Variants in GIMAP1 observed in about 807,000 individuals in gnomAD.
The protein encoded by GIMAP1 is GTPase IMAP family member 1.
For synonymous variants in GIMAP1, 230 were observed against 187.7 expected (o/e 1.23, Z -1.84); for missense variants, 423 against 411.9 (o/e 1.03, Z -0.23).
At position 150,720,475 on chromosome 7, in the gene GIMAP1, G is replaced by C. The variant is rs1450456336; in HGVS notation, c.471G>C (p.Leu157=). Residue 157 remains leucine (L), a synonymous_variant, in exon 3 of 3, where the codon CTG becomes CTC. Transcript: ENST00000307194. The surrounding 1 kb of genome is among the most constrained non-coding windows in gnomAD (Gnocchi z 4.5). ...TCGTCTTCACCAGGAAGGAGGACCT[G>C]GCCGGGGGCTCCCTGCACGATTACG... ...MVIVFTRKED[L]AGGSLHDYVS... The C allele has an allele frequency of 6.4e-7, 1 of 1,573,094 alleles. No individual in the cohort carries two copies. The highest frequency in any genetic ancestry group is 8.6e-7 in the Non-Finnish European group (1 of 1,158,800).
At chr7:150,718,753 C>A (rs956902560) in intron 1 of GIMAP1, among the ~76,000 whole-genome samples, 2 of 152,218 alleles carry the variant, frequency 1.3e-5, no homozygotes, top group African/African-American at 4.8e-5. Context: ...GTTGGCCCTT[C>A]CAAGGCCATT....
In GIMAP1 at chr7:150,719,603, A is replaced by C. The variant is rs189512093; in HGVS notation, c.44-445A>C. On this transcript the variant is annotated intron_variant, in intron 2 of 2. Transcript: ENST00000307194. ...TTTGCCGAAGAGGCTTAATACTTAG[A>C]TTATGCAGCTTCCCCAAGGTTACAC... 13 of 168,098 alleles carry C rather than the reference A, an allele frequency of 7.7e-5. No homozygotes were observed. The East Asian group carries it at 1.4e-3, about 18-fold the overall frequency. The allele number at this position is 168,098 out of a possible 1,614,324, so 10.4% of individuals were successfully genotyped here.
chr7:150,719,583 C>A, intron 2 of GIMAP1: 1 of 164,318 alleles, frequency 6.1e-6, no homozygotes, highest in Non-Finnish European at 1.3e-5. Flanking sequence ...CCACTTTTGC[C>A]GAAGAGGCTT....
chr7:150,720,791 C>A lies in GIMAP1; in HGVS notation c.787C>A (p.Arg263=), dbSNP rs375206213. 1 of 1,584,444 alleles carries A rather than the reference C, an allele frequency of 6.3e-7. No homozygotes were observed. The highest frequency in any genetic ancestry group is 2.3e-5 in the East Asian group (1 of 43,266). The change falls in exon 3 of 3, where the codon CGG becomes AGG. Residue 263 remains arginine (R), a synonymous_variant. Coordinates refer to ENST00000307194, the MANE Select transcript of GIMAP1 (RefSeq NM_130759.4). This position sits in a 1 kb window ranked among gnomAD's most constrained non-coding sequence, Gnocchi z 4.5. ...RRPWGAWLSA[R]LWKWLKSPRS... is the part of the protein sequence containing the mutation. ...GCCATGGGGCGCCTGGCTGTCGGCC[C>A]GGCTGTGGAAGTGGCTGAAGTCCCC...
At position 150,720,429 on chromosome 7, in the gene GIMAP1, A is replaced by G. The variant is rs1325630615; in HGVS notation, c.425A>G (p.Asp142Gly). 1 of 1,575,266 alleles carries G rather than the reference A, an allele frequency of 6.3e-7. No individual in the cohort carries two copies. The highest frequency in any genetic ancestry group is 8.6e-7 in the Non-Finnish European group (1 of 1,159,108). ...VRQVRDMFGE[D>G]VLKWMVIVFT... Reference sequence around the variant, plus strand: ...CAGGTGAGGGACATGTTCGGGGAGGACGTCCTAAAATGGATGGTCATCGTC... The same window carrying G: ...CAGGTGAGGGACATGTTCGGGGAGGGCGTCCTAAAATGGATGGTCATCGTC... The change falls in exon 3 of 3, where the codon GAC becomes GGC. Residue 142 changes from aspartate to glycine, a missense_variant. Coordinates refer to ENST00000307194, the MANE Select transcript of GIMAP1 (RefSeq NM_130759.4). This position sits in a 1 kb window ranked among gnomAD's most constrained non-coding sequence, Gnocchi z 4.5.
intron 2 of GIMAP1, 61 bp downstream of exon 2, chr7:150,719,151 G>A: frequency 6.2e-7 from 1 of 1,607,578 alleles, no homozygotes; most frequent in Non-Finnish European, 8.5e-7. Flanking sequence ...GGGTAATAAG[G>A]AGAATGGGGC....
Position 150,720,157 on chromosome 7 carries a change from A to G in GIMAP1, c.153A>G (p.Arg51=), listed in dbSNP as rs770389381. 11 of 1,614,040 alleles carry G rather than the reference A, an allele frequency of 6.8e-6. No homozygotes were observed. Among genetic ancestry groups the G allele is most frequent in the South Asian group, 1.1e-5 (1 of 91,070 alleles). ...SATGNSILGQ[R]RFFSRLGATS... ...CTGGGAACAGCATCCTGGGCCAGAG[A>G]CGGTTCTTCTCCAGGCTGGGGGCCA... The change falls in exon 3 of 3, where the codon AGA becomes AGG. Residue 51 remains arginine, a synonymous_variant. Transcript: ENST00000307194. The surrounding 1 kb of genome is among the most constrained non-coding windows in gnomAD (Gnocchi z 4.5).
At position 150,721,494 on chromosome 7, in the gene GIMAP1, A is replaced by G. The variant is rs775993211; in HGVS notation, c.*569A>G. 1 of 152,252 alleles carries G rather than the reference A, an allele frequency of 6.6e-6. No homozygotes were observed. Among genetic ancestry groups the G allele is most frequent in the Non-Finnish European group, 1.5e-5 (1 of 68,058 alleles). The allele number at this position is 152,252 out of a possible 1,614,324, so 9.4% of individuals were successfully genotyped here. A position where few individuals can be genotyped will look rare whatever the true frequency, so the allele number is the denominator to read the frequency against. ...ATAACAGTTTCCACTTTTCTAGAACATATTATGGTTCATGGCATTCCAAAA... is the reference window on the plus strand; with the variant it reads ...ATAACAGTTTCCACTTTTCTAGAACGTATTATGGTTCATGGCATTCCAAAA... On this transcript the variant is annotated 3_prime_UTR_variant, in exon 3 of 3. Transcript: ENST00000307194.
chr7:150,719,333 G>A (rs563759477), intron 2 of GIMAP1: 19 of 532,742 alleles, frequency 3.6e-5, no homozygotes, highest in African/African-American at 7.5e-5. Flanking sequence ...AACCTACTCC[G>A]ATCACCGCAG....
At chr7:150,718,655 C>T (rs1299280300) in intron 1 of GIMAP1, among the ~76,000 whole-genome samples, 1 of 152,210 alleles carries the variant, frequency 6.6e-6, no homozygotes, top group Non-Finnish European at 1.5e-5. Context: ...ATAACCGACC[C>T]TCTGCTTTTT....
At chr7:150,719,366 T>C (rs528273561) in intron 2 of GIMAP1, 7 of 444,070 alleles carry the variant, frequency 1.6e-5, no homozygotes, top group South Asian at 4.5e-5. Flanking sequence ...GGGGATTAAA[T>C]CATGCACTAC....
At position 150,721,955 on chromosome 7, in the gene GIMAP1, G is replaced by C. The variant is rs1018836797; in HGVS notation, c.*1030G>C. The C allele has an allele frequency of 1.3e-5, 2 of 152,024 alleles. No homozygotes were observed. The highest frequency in any genetic ancestry group is 4.8e-5 in the African/African-American group (2 of 41,260). The allele number at this position is 152,024 out of a possible 1,614,324, so 9.4% of individuals were successfully genotyped here. On this transcript the variant is annotated 3_prime_UTR_variant, in exon 3 of 3. Transcript: ENST00000307194. Reference sequence around the variant, plus strand: ...CGAGCTCCTCTCTGGTTATGGAGAAGAGGCAGAGCACCAGGTGCATAGGCT... The same window carrying C: ...CGAGCTCCTCTCTGGTTATGGAGAACAGGCAGAGCACCAGGTGCATAGGCT...
chr7:150,717,618 T>C (rs1249789203), intron 1 of GIMAP1, among the ~76,000 whole-genome samples: 1 of 152,160 alleles, frequency 6.6e-6, no homozygotes, highest in African/African-American at 2.4e-5. Flanking sequence ...TATGGAAAAT[T>C]CCAAAGGCCT....
rs981087429 is a variant in GIMAP1, at chr7:150,723,763, C to T, written c.*2838C>T. On this transcript the variant is annotated 3_prime_UTR_variant, in exon 3 of 3. Transcript: ENST00000307194. Reference sequence around the variant, plus strand: ...TAACCAGACACAGTAAAAATACTGTCCAATACCTCAAAAATTGTGTAAATA... The same window carrying T: ...TAACCAGACACAGTAAAAATACTGTTCAATACCTCAAAAATTGTGTAAATA... 6.6e-6 allele frequency: 1 copy of T among 152,158 alleles called. No individual in the cohort carries two copies. Among genetic ancestry groups the T allele is most frequent in the African/African-American group, 2.4e-5 (1 of 41,426 alleles). The allele number at this position is 152,158 out of a possible 1,614,324, so 9.4% of individuals were successfully genotyped here. A position where few individuals can be genotyped will look rare whatever the true frequency, so the allele number is the denominator to read the frequency against.
chr7:150,719,926 G>A, intron 2 of GIMAP1, 122 bp from the exon 3 acceptor site: 1 of 1,342,224 alleles, frequency 7.5e-7, no homozygotes, highest in Non-Finnish European at 1.0e-6. Context: ...GGAAAAGGTG[G>A]AAATGAACGC....
Position 150,724,171 on chromosome 7 carries a change from A to AT in GIMAP1, c.*3251dup, listed in dbSNP as rs1191050623. 2.0e-5 allele frequency: 3 copies of AT among 151,772 alleles called. No individual in the cohort carries two copies. Among genetic ancestry groups the AT allele is most frequent in the African/African-American group, 7.3e-5 (3 of 41,274 alleles). The allele number at this position is 151,772 out of a possible 1,614,324, so 9.4% of individuals were successfully genotyped here. Reference sequence around the variant, plus strand: ...ATAGCTAGACTATGGCTCAACACTCATTTTTCCCCCATGATTCTTAATCTA... The same window carrying AT: ...ATAGCTAGACTATGGCTCAACACTCATTTTTTCCCCCATGATTCTTAATCTA... On this transcript the variant is annotated 3_prime_UTR_variant, in exon 3 of 3. Transcript: ENST00000307194.
In GIMAP1 at chr7:150,721,052, C is replaced by G; in HGVS notation, c.*127C>G. On this transcript the variant is annotated 3_prime_UTR_variant, in exon 3 of 3. Transcript: ENST00000307194. ...GGCATAGTTTTAATGACACAGAAAACTTTGCTGCATCACCTTTGCAACTTT... is the reference window on the plus strand; with the variant it reads ...GGCATAGTTTTAATGACACAGAAAAGTTTGCTGCATCACCTTTGCAACTTT... The G allele has an allele frequency of 1.1e-6, 1 of 926,978 alleles. No individual in the cohort carries two copies. Among genetic ancestry groups the G allele is most frequent in the Non-Finnish European group, 1.5e-6 (1 of 667,972 alleles). 57.4% of individuals were successfully genotyped at this position (926,978 alleles called of 1,614,324 possible).
intron 2 of GIMAP1, 112 bp from the exon 3 acceptor site, chr7:150,719,936 C>A (rs1797270805): frequency 7.2e-7 from 1 of 1,397,798 alleles, no homozygotes. Flanking sequence ...GAAATGAACG[C>A]CCAGGCGTTC....
rs1797323014 is a variant in GIMAP1, at chr7:150,722,561, G to A, written c.*1636G>A. 6.6e-6 allele frequency: 1 copy of A among 152,304 alleles called. No individual in the cohort carries two copies. Among genetic ancestry groups the A allele is most frequent in the Non-Finnish European group, 1.5e-5 (1 of 68,068 alleles). The allele number at this position is 152,304 out of a possible 1,614,324, so 9.4% of individuals were successfully genotyped here. On this transcript the variant is annotated 3_prime_UTR_variant, in exon 3 of 3. Coordinates refer to ENST00000307194, the MANE Select transcript of GIMAP1 (RefSeq NM_130759.4). ...AGGGAAGGATCCTTTGATGACCAGAGGGGACAGCAGGGAGGGCACAGCGTG... is the reference window on the plus strand; with the variant it reads ...AGGGAAGGATCCTTTGATGACCAGAAGGGACAGCAGGGAGGGCACAGCGTG...
Sources: gnomAD v4.1 joint callset for allele counts (sites outside exome capture counted in the v4.1 genomes callset) on GRCh38, gnomAD v4.1.1 for gene constraint, Gnocchi (gnomAD v3.1) non-coding constraint, MANE v1.5 for transcripts, NCBI Gene and HGNC (gene_info 2026-07-23, HGNC 2026-07-21) for gene names.